Variants in SLC35F5 observed in about 807,000 individuals in gnomAD.
SLC35F5 encodes the protein HCV NS5A-transactivated protein 3.
Under a neutral mutation model 68.6 loss-of-function variants are expected in SLC35F5, and 54 were observed. The observed-to-expected ratio is 0.79, with a 90% CI of 0.63 to 0.99. The LOEUF is 0.99. Ranked by LOEUF, SLC35F5 falls within the 50% of genes least tolerant of loss-of-function variation. SLC35F5 has a pLI of 0.00. For missense variants in SLC35F5, 567 were observed against 626.9 expected (o/e 0.90, Z 1.02); for synonymous variants, 211 against 205.2 (o/e 1.03, Z -0.24).
chr2:113,723,552 A>T (rs1032104364), intron 12 of SLC35F5, among the ~76,000 whole-genome samples: 11 of 152,214 alleles, frequency 7.2e-5, no homozygotes, highest in African/African-American at 2.7e-4. Context: ...CAAAGAAAAC[A>T]GCATTATTAA....
rs1290786498 is a variant in SLC35F5 at position 113,719,245 on chromosome 2, T to G, written c.1405A>C (p.Thr469Pro). 1.3e-6 allele frequency: 2 copies of G among 1,598,858 alleles called. No homozygotes were observed. Among genetic ancestry groups the G allele is most frequent in the Non-Finnish European group, 1.7e-6 (2 of 1,176,674 alleles). ...IPVFFSFFIV[T>P]LLCHYNNWDP... ...CAATTATTATAATGGCATAGGAGAG[T>G]TACAATAAAAAATGAAAAAAATACA... The change falls in exon 14 of 16, where the codon ACT becomes CCT. Residue 469 changes from threonine (T) to proline (P), a missense_variant. By Grantham distance (38) the Thr-to-Pro change is conservative. Transcript: ENST00000245680.
chr2:113,716,740 CAGGGCAGGGA>C (rs879641790), intron 15 of SLC35F5, among the ~76,000 whole-genome samples: 4 of 152,104 alleles, frequency 2.6e-5, no homozygotes, highest in Non-Finnish European at 4.4e-5. Flanking sequence ...GCAGGATGAG[CAGGGCAGGGA>C]AGGGCAGGGG....
At chr2:113,733,194 T>C (rs902181188) in intron 9 of SLC35F5, among the ~76,000 whole-genome samples, 1 of 152,200 alleles carries the variant, frequency 6.6e-6, no homozygotes, top group African/African-American at 2.4e-5. Flanking sequence ...AATTCAGCTC[T>C]GCCTCTGCAG....
In SLC35F5 at chr2:113,755,450, C is replaced by T. The variant is rs768848714; in HGVS notation, c.131+4G>A. The stretch of plus-strand genomic sequence containing the variant: ...GTTACATAGAGGATAAACGTGGAAT[C>T]TACCTTGTCTTAAGAGCCCTTCTGA... On this transcript the variant is annotated splice_donor_region_variant and intron_variant, in intron 2 of 15. Coordinates refer to ENST00000245680, the MANE Select transcript of SLC35F5 (RefSeq NM_025181.5). 2 of 1,614,002 alleles carry T rather than the reference C, an allele frequency of 1.2e-6. No homozygotes were observed. The highest frequency in any genetic ancestry group is 1.7e-6 in the Non-Finnish European group (2 of 1,179,870).
intron 14 of SLC35F5, 33 bp downstream of exon 14, chr2:113,719,121 A>C: frequency 6.3e-7 from 1 of 1,579,556 alleles, no homozygotes; most frequent in East Asian, 2.3e-5. Context: ...AGCAAACACT[A>C]TTTTTAAAAA....
rs1676320689 is a variant in SLC35F5 at position 113,742,625 on chromosome 2, TG to T, written c.750+66del. ...GTCTCACACTTCAATCCTATATTGTTGGTATGTATACAGTCTTAAAATTCAA... is the reference window on the plus strand; with the variant it reads ...GTCTCACACTTCAATCCTATATTGTTGTATGTATACAGTCTTAAAATTCAA... On this transcript the variant is annotated intron_variant, in intron 7 of 15. Transcript: ENST00000245680. 2.1e-6 allele frequency: 3 copies of T among 1,460,396 alleles called. No homozygotes were observed. The East Asian group carries it at 6.8e-5, about 33-fold the overall frequency. The allele number at this position is 1,460,396 out of a possible 1,614,324, so 90.5% of individuals were successfully genotyped here.
intron 7 of SLC35F5, among the ~76,000 whole-genome samples, chr2:113,741,599 G>A (rs1189209892): frequency 2.6e-5 from 4 of 151,882 alleles, no homozygotes; most frequent in African/African-American, 9.7e-5. Context: ...TACTCGTGGG[G>A]CTGAGGCAGG....
At position 113,714,940 on chromosome 2, in the gene SLC35F5, T is replaced by G. The variant is rs988553545; in HGVS notation, c.*278A>C. 1 of 152,652 alleles carries G rather than the reference T, an allele frequency of 6.6e-6. No homozygotes were observed. The highest frequency in any genetic ancestry group is 2.4e-5 in the African/African-American group (1 of 41,468). 9.5% of individuals were successfully genotyped at this position (152,652 alleles called of 1,614,324 possible). A position where few individuals can be genotyped will look rare whatever the true frequency, so the allele number is the denominator to read the frequency against. ...GATTAGTTCAAATGATTTCAACAGC[T>G]GAATTCCTTGAGATGTGTAAGGCAG... is the stretch of plus-strand genomic sequence containing the variant. On this transcript the variant is annotated 3_prime_UTR_variant, in exon 16 of 16. Transcript: ENST00000245680.
chr2:113,725,710 G>GAA, intron 11 of SLC35F5, 173 bp from the exon 12 acceptor site: 2 of 470,678 alleles, frequency 4.2e-6, no homozygotes, highest in Non-Finnish European at 7.5e-6. Flanking sequence ...CAACGCCATA[G>GAA]AAAAAAAAAC....
At position 113,725,445 on chromosome 2, in the gene SLC35F5, C is replaced by T. The variant is rs1303705126; in HGVS notation, c.1183G>A (p.Val395Ile). 3 of 1,611,528 alleles carry T rather than the reference C, an allele frequency of 1.9e-6. 1 individual carries two copies. In the South Asian group the frequency reaches 3.3e-5, roughly 18 times the overall value. Residue 395 changes from valine (V) to isoleucine (I), a missense_variant, in exon 12 of 16, where the codon GTA (valine) becomes ATA (isoleucine). By Grantham distance (29) the Val-to-Ile change is conservative. Transcript: ENST00000245680. The part of the protein sequence containing the change: ...GFEDFEFPNK[V>I]VLMCIIINGL... ...TTAATGATAATGCACATTAATACTACTTTATTGGGAAACTCGAAGTCCTCA... is the reference window on the plus strand; with the variant it reads ...TTAATGATAATGCACATTAATACTATTTTATTGGGAAACTCGAAGTCCTCA...
At chr2:113,756,037 C>T (rs1676971570) in intron 1 of SLC35F5, 1 of 1,471,868 alleles carries the variant, frequency 6.8e-7, no homozygotes, top group East Asian at 2.5e-5. Context: ...CTCCATGCTC[C>T]TCCACCCACC....
chr2:113,754,996 C>T (rs1006943698), intron 3 of SLC35F5, among the ~76,000 whole-genome samples, 169 bp downstream of exon 3: 2 of 152,096 alleles, frequency 1.3e-5, no homozygotes, highest in Non-Finnish European at 2.9e-5. Context: ...AAGGATCATC[C>T]TTTCAGTTTT....
rs1687013961 is a variant in SLC35F5 at position 113,712,268 on chromosome 2, C to T, written c.*2950G>A. On this transcript the variant is annotated 3_prime_UTR_variant, in exon 16 of 16. Transcript: ENST00000245680. ...TAAAGGAATAAGTATGGGTGCATTA[C>T]ATAAACCTAATGGTTCTTCTAAGCT... 6.6e-6 allele frequency among the ~76,000 whole-genome samples: 1 copy of T among 152,066 alleles called. No homozygotes were observed.
At position 113,756,381 on chromosome 2, in the gene SLC35F5, G is replaced by A. The variant is rs747889243; in HGVS notation, c.29C>T (p.Ala10Val). ...CCCTGCCTGCCTACCTGGCCTTCCT[G>A]CCCCGCGATGGCGTCGTGGCGGCAC... MVPPRRHRG[A>V]GRPGVLSSSP... The change falls in exon 1 of 16, where the codon GCA becomes GTA. Residue 10 changes from alanine (A) to valine (V), a missense_variant. Ala to Val is a moderately conservative substitution (Grantham distance 64). Coordinates refer to ENST00000245680, the MANE Select transcript of SLC35F5 (RefSeq NM_025181.5). The A allele has an allele frequency of 4.5e-6, 7 of 1,569,482 alleles. No individual in the cohort carries two copies. The African/African-American group carries it at 9.5e-5, about 21-fold the overall frequency.
chr2:113,719,357 G>C, intron 13 of SLC35F5, 49 bp from the exon 14 acceptor site: 2 of 1,484,320 alleles, frequency 1.3e-6, no homozygotes, highest in Non-Finnish European at 1.8e-6. Context: ...TATCATTAAG[G>C]CAATTTTCCC....
chr2:113,756,255 A>C, intron 1 of SLC35F5, 115 bp downstream of exon 1: 2 of 1,538,940 alleles, frequency 1.3e-6, no homozygotes, highest in Non-Finnish European at 1.7e-6. Context: ...AGAGACCTTC[A>C]CGGTTTCGGT....
At chr2:113,721,015 AAT>A (rs1687409826) in intron 13 of SLC35F5, among the ~76,000 whole-genome samples, 1 of 152,184 alleles carries the variant, frequency 6.6e-6, no homozygotes, top group Admixed American at 6.5e-5. Flanking sequence ...AATATATCTG[AAT>A]ATCAAATAGA....
rs1456848180 is a variant in SLC35F5, at chr2:113,746,131, A to G, written c.480+146T>C. ...AGGTAACCCTAAGGAGAAAAAAAGT[A>G]CCAAATTACAATCCTAATGATGGGC... On this transcript the variant is annotated intron_variant, in intron 5 of 15. Coordinates refer to ENST00000245680, the MANE Select transcript of SLC35F5 (RefSeq NM_025181.5). 1.6e-5 allele frequency: 10 copies of G among 630,772 alleles called. No individual in the cohort carries two copies. In the Admixed American group the frequency reaches 2.3e-4, roughly 15 times the overall value. 39.1% of individuals were successfully genotyped at this position (630,772 alleles called of 1,614,324 possible).
chr2:113,743,742 G>A lies in SLC35F5; in HGVS notation c.533C>T (p.Pro178Leu), dbSNP rs774122553. ...TTCAGTATCAATGTTTGTGCTCTCA[G>A]GTTTTTCACTTGGAAGATCATGGAA... ...VKFHDLPSEK[P>L]ESTNIDTEKT... Residue 178 changes from proline (P) to leucine (L), a missense_variant, in exon 6 of 16, where the codon CCT becomes CTT. Transcript: ENST00000245680. 1 of 1,612,066 alleles carries A rather than the reference G, an allele frequency of 6.2e-7. No individual in the cohort carries two copies. The highest frequency in any genetic ancestry group is 8.5e-7 in the Non-Finnish European group (1 of 1,178,998).
Sources: allele counts gnomAD v4.1 joint callset (sites outside exome capture counted in the v4.1 genomes callset), GRCh38; gene constraint gnomAD v4.1.1; transcripts MANE v1.5; gene names NCBI Gene and HGNC (gene_info 2026-07-23, HGNC 2026-07-21).